Variants in RABGAP1 observed in about 807,000 individuals in gnomAD.
The protein encoded by RABGAP1 is RAB GTPase activating protein 1, also known as rab GTPase-activating protein 1.
In RABGAP1, 23 loss-of-function variants were observed where a neutral mutation model predicts 137.6. The ratio of observed to expected loss-of-function variants is 0.17; its 90% CI spans 0.12 to 0.24. The LOEUF is 0.24. Among genes scored for constraint, RABGAP1 ranks in the 10% least tolerant of loss-of-function variants. RABGAP1 has a pLI of 1.00. For synonymous variants in RABGAP1, 451 were observed against 450.7 expected (o/e 1.00, Z -0.01); for missense variants, 906 against 1,275.8 (o/e 0.71, Z 4.42).
Position 122,957,005 on chromosome 9 carries a change from T to C in RABGAP1, c.-49-6T>C. ...TATGAGTATCTTTATGGTTTTTGTTTTTCAGGCATTAAAAAATATTTAATC... is the reference window on the plus strand; with the variant it reads ...TATGAGTATCTTTATGGTTTTTGTTCTTCAGGCATTAAAAAATATTTAATC... On this transcript the variant is annotated splice_region_variant and splice_polypyrimidine_tract_variant and intron_variant, in intron 1 of 25. Transcript: ENST00000373647. 7.3e-7 allele frequency: 1 copy of C among 1,363,886 alleles called. No homozygotes were observed. Among genetic ancestry groups the C allele is most frequent in the Non-Finnish European group, 9.7e-7 (1 of 1,031,602 alleles). The allele number at this position is 1,363,886 out of a possible 1,614,324, so 84.5% of individuals were successfully genotyped here. A position where few individuals can be genotyped will look rare whatever the true frequency, so the allele number is the denominator to read the frequency against.
chr9:123,056,543 G>A (rs2033706492), intron 13 of RABGAP1, among the ~76,000 whole-genome samples: 1 of 147,874 alleles, frequency 6.8e-6, no homozygotes, highest in African/African-American at 2.5e-5. Context: ...GATTTGGCAG[G>A]GTCATGGGAC....
intron 1 of RABGAP1, among the ~76,000 whole-genome samples, chr9:122,941,625 T>C (rs576631037): frequency 1.4e-4 from 21 of 152,222 alleles, no homozygotes; most frequent in South Asian, 4.1e-4. Flanking sequence ...GGTCTTTCAG[T>C]CTCATTTCCC....
intron 2 of RABGAP1, among the ~76,000 whole-genome samples, chr9:122,978,950 C>G (rs1835907824): frequency 6.6e-6 from 1 of 151,942 alleles, no homozygotes; most frequent in South Asian, 2.1e-4. Flanking sequence ...GTTGCCCAGG[C>G]TAGAGTTCAG....
intron 21 of RABGAP1, among the ~76,000 whole-genome samples, chr9:123,091,374 C>T (rs2035027756): frequency 6.6e-6 from 1 of 152,170 alleles, no homozygotes. Context: ...TCATGCATTT[C>T]CTTGAAAGGC....
chr9:122,985,380 C>T (rs915758103), intron 3 of RABGAP1, among the ~76,000 whole-genome samples: 6 of 152,126 alleles, frequency 3.9e-5, no homozygotes, highest in African/African-American at 1.2e-4. Flanking sequence ...ATTGGGAGGC[C>T]GAGGCAGGTG....
rs373234280 is a variant in RABGAP1 at position 123,007,393 on chromosome 9, T to C, written c.1375-2961T>C. 5.2e-3 allele frequency among the ~76,000 whole-genome samples: 703 copies of C among 135,492 alleles called. 4 individuals carry two copies. Among genetic ancestry groups the C allele is most frequent in the African/African-American group, 0.018 (637 of 34,902 alleles). 88.9% of individuals were successfully genotyped at this position (135,492 alleles called of 152,430 possible). On this transcript the variant is annotated intron_variant, in intron 10 of 25. Transcript: ENST00000373647. ...CCTGGCTTTTTTTTTTTTTTTTTTT[T>C]CCAAGACAGAGTCTTGCTCTATTAC...
chr9:122,979,501 A>G (rs528096926), intron 2 of RABGAP1, among the ~76,000 whole-genome samples: 1 of 152,168 alleles, frequency 6.6e-6, no homozygotes, highest in East Asian at 1.9e-4. Flanking sequence ...TTTTTCTTTT[A>G]TGATTCATAC....
chr9:123,002,317 C>G (rs1035109467), intron 10 of RABGAP1, among the ~76,000 whole-genome samples: 15 of 149,268 alleles, frequency 1.0e-4, no homozygotes, highest in African/African-American at 3.7e-4. Flanking sequence ...AAAAAAGTTT[C>G]TAGATGGTAA....
chr9:122,982,394 A>G (rs1161349928), intron 2 of RABGAP1, among the ~76,000 whole-genome samples: 2 of 152,240 alleles, frequency 1.3e-5, no homozygotes, highest in Non-Finnish European at 2.9e-5. Context: ...ATTGGTAAGT[A>G]TATTTCAACG....
intron 19 of RABGAP1, among the ~76,000 whole-genome samples, chr9:123,079,022 C>G (rs2034612333): frequency 6.6e-6 from 1 of 152,062 alleles, no homozygotes; most frequent in Non-Finnish European, 1.5e-5. Context: ...TTCATACAGT[C>G]AGTATCATTT....
intron 11 of RABGAP1, among the ~76,000 whole-genome samples, chr9:123,010,863 T>C (rs1250929789): frequency 1.3e-5 from 2 of 152,192 alleles, no homozygotes; most frequent in Non-Finnish European, 2.9e-5. Context: ...TCTCAACACA[T>C]TCATTTTGCA....
chr9:123,088,071 G>T (rs1053879118), intron 19 of RABGAP1, among the ~76,000 whole-genome samples: 3 of 151,240 alleles, frequency 2.0e-5, no homozygotes, highest in East Asian at 3.9e-4. Flanking sequence ...TTTAGATGGG[G>T]TCTCTCTCTT....
chr9:123,067,997 CTG>C (rs2034233071), intron 14 of RABGAP1, among the ~76,000 whole-genome samples: 1 of 152,106 alleles, frequency 6.6e-6, no homozygotes. Context: ...TACATCAACT[CTG>C]TGTTATTAAT....
intron 21 of RABGAP1, among the ~76,000 whole-genome samples, chr9:123,090,863 C>CT (rs1157819736): frequency 6.6e-6 from 1 of 152,186 alleles, no homozygotes; most frequent in Non-Finnish European, 1.5e-5. Flanking sequence ...TTTGCTTCTC[C>CT]TAATCTTAAC....
intron 17 of RABGAP1, among the ~76,000 whole-genome samples, chr9:123,075,314 A>G (rs963469096): frequency 3.3e-5 from 5 of 152,088 alleles, no homozygotes; most frequent in Admixed American, 1.3e-4. Flanking sequence ...TGGTTCTCCT[A>G]TGTGTATATT....
chr9:123,024,185 AT>A (rs1198322576), intron 13 of RABGAP1, among the ~76,000 whole-genome samples: 1 of 152,136 alleles, frequency 6.6e-6, no homozygotes, highest in Non-Finnish European at 1.5e-5. Context: ...TAAAGTGAAA[AT>A]TTTTTAGGTT....
chr9:122,941,257 C>G (rs1833541356), intron 1 of RABGAP1, among the ~76,000 whole-genome samples, 164 bp downstream of exon 1: 1 of 152,126 alleles, frequency 6.6e-6, no homozygotes, highest in South Asian at 2.1e-4. Flanking sequence ...CTGAGGGGAG[C>G]CGTGATTGGG....
At chr9:122,996,239 A>G in intron 7 of RABGAP1, 88 bp downstream of exon 7, 1 of 1,463,766 alleles carries the variant, frequency 6.8e-7, no homozygotes, top group South Asian at 1.5e-5. Flanking sequence ...TAAAAAATGT[A>G]TTTCCAAAGA....
intron 13 of RABGAP1, among the ~76,000 whole-genome samples, chr9:123,030,463 C>CAT (rs923653647): frequency 4.0e-5 from 6 of 151,896 alleles, no homozygotes; most frequent in Non-Finnish European, 7.4e-5. Flanking sequence ...TCCTTTTAGT[C>CAT]ATATATATAT....
Sources: allele counts gnomAD v4.1 joint callset (sites outside exome capture counted in the v4.1 genomes callset), GRCh38; gene constraint gnomAD v4.1.1; transcripts MANE v1.5; gene names NCBI Gene and HGNC (gene_info 2026-07-23, HGNC 2026-07-21).